The following SGK3 variants were observed in gnomAD, a reference collection of about 807,000 sequenced individuals.
SGK3 encodes the protein serum/glucocorticoid regulated kinase family member 3, also known as serine/threonine-protein kinase Sgk3.
SGK3 carries 47 observed loss-of-function variants against 68.5 expected under a neutral mutation model. That is an observed-to-expected ratio of 0.69 (90% CI 0.54 to 0.87). The LOEUF (loss-of-function observed/expected upper bound fraction) is 0.87. SGK3 is among the 40% of genes least tolerant of loss of function. SGK3 has a pLI of 0.00. For synonymous variants in SGK3, 181 were observed against 189.1 expected, an observed-to-expected ratio of 0.96 and a Z score of 0.35; for missense variants, 479 against 575.5, an observed-to-expected ratio of 0.83 and a Z score of 1.72.
chr8:66,785,919 G>A lies in SGK3; in HGVS notation c.-121-7697G>A, dbSNP rs540183065. On this transcript the variant is annotated intron_variant, in intron 1 of 16. Coordinates refer to ENST00000521198, the MANE Select transcript of SGK3 (RefSeq NM_001033578.3). Reference sequence around the variant, plus strand: ...AATTATCTTCTGACTGTCTAGCAGAGTGAAGGCAGATCCTTTTCCTGTTCC... The same window carrying A: ...AATTATCTTCTGACTGTCTAGCAGAATGAAGGCAGATCCTTTTCCTGTTCC... Among the ~76,000 whole-genome samples the A allele has an allele frequency of 5.9e-5, 9 of 152,344 alleles. No homozygotes were observed. The South Asian group carries it at 1.2e-3, about 21-fold the overall frequency.
At chr8:66,721,290 G>T (rs1804787175) in intron 1 of SGK3, among the ~76,000 whole-genome samples, 1 of 152,230 alleles carries the variant, frequency 6.6e-6, no homozygotes, top group Admixed American at 6.5e-5. Flanking sequence ...TATAGCAGGT[G>T]TGGGCTCCTG....
At chr8:66,778,992 A>G (rs907731379) in intron 1 of SGK3, among the ~76,000 whole-genome samples, 1 of 152,164 alleles carries the variant, frequency 6.6e-6, no homozygotes, top group African/African-American at 2.4e-5. Context: ...TTGTTTCTAT[A>G]CTGGATAGGA....
intron 4 of SGK3, among the ~76,000 whole-genome samples, chr8:66,811,173 A>G (rs1585751351): frequency 6.6e-6 from 1 of 152,056 alleles, no homozygotes; most frequent in Non-Finnish European, 1.5e-5. Context: ...ATGTCGCCAC[A>G]GCTAGCTAAT....
intron 1 of SGK3, chr8:66,737,227 C>T (rs1805346060): frequency 6.6e-6 from 1 of 151,830 alleles, no homozygotes; most frequent in African/African-American, 2.4e-5. Context: ...TCATTAAAGC[C>T]TAAGAAGCCG....
chr8:66,857,396 G>T (rs1318332361), intron 16 of SGK3, among the ~76,000 whole-genome samples: 1 of 152,020 alleles, frequency 6.6e-6, no homozygotes, highest in Non-Finnish European at 1.5e-5. Flanking sequence ...ACATTTTAAG[G>T]GTTCCCTTCC....
At chr8:66,851,952 TAG>T (rs1301691400) in intron 16 of SGK3, among the ~76,000 whole-genome samples, 20 of 152,192 alleles carry the variant, frequency 1.3e-4, no homozygotes, top group Non-Finnish European at 4.4e-5. Flanking sequence ...AATGAGGAAA[TAG>T]AAGCTCAGAG....
chr8:66,847,434 G>C, intron 15 of SGK3, 86 bp downstream of exon 15: 1 of 1,538,780 alleles, frequency 6.5e-7, no homozygotes, highest in Non-Finnish European at 8.8e-7. Flanking sequence ...GTATTTAATG[G>C]AATGAATACA....
At chr8:66,854,514 T>TG (rs1810422219) in intron 16 of SGK3, among the ~76,000 whole-genome samples, 1 of 152,226 alleles carries the variant, frequency 6.6e-6, no homozygotes, top group Non-Finnish European at 1.5e-5. Context: ...GAGGTGGGTC[T>TG]GGACCTGGGG....
intron 7 of SGK3, among the ~76,000 whole-genome samples, chr8:66,829,803 T>A (rs1283646069): frequency 6.6e-6 from 1 of 152,094 alleles, no homozygotes; most frequent in Admixed American, 6.6e-5. Flanking sequence ...AACTGGAAGT[T>A]TGGTTTTAAG....
intron 1 of SGK3, among the ~76,000 whole-genome samples, chr8:66,755,948 G>A (rs991488302): frequency 1.3e-5 from 2 of 152,130 alleles, no homozygotes; most frequent in East Asian, 3.9e-4. Flanking sequence ...GTTAGCCAAA[G>A]TGTGATAGCC....
chr8:66,759,133 T>C (rs921304392), intron 1 of SGK3, among the ~76,000 whole-genome samples: 3 of 149,958 alleles, frequency 2.0e-5, no homozygotes, highest in Non-Finnish European at 3.0e-5. Flanking sequence ...TCTCCCAGGC[T>C]GGAGTGCAGT....
chr8:66,794,005 T>A (rs1297191969), intron 2 of SGK3, among the ~76,000 whole-genome samples, 173 bp downstream of exon 2: 2 of 152,240 alleles, frequency 1.3e-5, no homozygotes, highest in Non-Finnish European at 2.9e-5. Context: ...CGTAATGGAA[T>A]AAATTTTCCT....
intron 1 of SGK3, among the ~76,000 whole-genome samples, chr8:66,792,747 C>T (rs1807519089): frequency 6.6e-6 from 1 of 152,126 alleles, no homozygotes; most frequent in Admixed American, 6.5e-5. Flanking sequence ...ATTGTTTGAG[C>T]CAGGTGTGAT....
In SGK3 at chr8:66,760,161, T is replaced by A. The variant is rs150087368; in HGVS notation, c.-121-33455T>A. 5.4e-3 allele frequency among the ~76,000 whole-genome samples: 821 copies of A among 152,228 alleles called. 2 individuals carry two copies. Among genetic ancestry groups the A allele is most frequent in the Non-Finnish European group, 9.1e-3 (616 of 68,020 alleles). ...ACATTTGTTAGTATCACTAAGTGAG[T>A]GCCTCAGAAAAATTTCTCAGTGGAG... On this transcript the variant is annotated intron_variant, in intron 1 of 16. Transcript: ENST00000521198.
At position 66,847,349 on chromosome 8, in the gene SGK3, G is replaced by C; in HGVS notation, c.1230+1G>C. The C allele has an allele frequency of 5.0e-6, 8 of 1,610,946 alleles. No individual in the cohort carries two copies. The highest frequency in any genetic ancestry group is 6.8e-6 in the Non-Finnish European group (8 of 1,179,142). Reference sequence around the variant, plus strand: ...TCGACTTGGTGCCAAGGAAGACTTTGTATGTAACAGCTTTTCTAGCTCCAG... The same window carrying C: ...TCGACTTGGTGCCAAGGAAGACTTTCTATGTAACAGCTTTTCTAGCTCCAG... On this transcript the variant is annotated splice_donor_variant, in intron 15 of 16. Coordinates refer to ENST00000521198, the MANE Select transcript of SGK3 (RefSeq NM_001033578.3). LOFTEE classifies it high-confidence loss of function.
intron 5 of SGK3, among the ~76,000 whole-genome samples, chr8:66,819,218 T>C (rs1216809027): frequency 2.0e-5 from 3 of 152,216 alleles, no homozygotes; most frequent in Non-Finnish European, 4.4e-5. Flanking sequence ...ATATAAAATG[T>C]AACATTTAAT....
intron 6 of SGK3, among the ~76,000 whole-genome samples, chr8:66,824,864 A>G (rs1309224194): frequency 6.6e-6 from 1 of 152,248 alleles, no homozygotes; most frequent in African/African-American, 2.4e-5. Flanking sequence ...ATATGCAAAT[A>G]CTATATGAAA....
At chr8:66,839,714 A>G (rs1355174538) in intron 10 of SGK3, 2 of 276,760 alleles carry the variant, frequency 7.2e-6, no homozygotes, top group Non-Finnish European at 1.3e-5. Flanking sequence ...TCTTTTCCAG[A>G]ACAGTTGCCT....
intron 1 of SGK3, among the ~76,000 whole-genome samples, chr8:66,790,043 A>C (rs1807373761): frequency 6.6e-6 from 1 of 152,144 alleles, no homozygotes; most frequent in Non-Finnish European, 1.5e-5. Context: ...GCGCCACTGC[A>C]CTGCAGCCTA....
Sources: allele counts gnomAD v4.1 joint callset (sites outside exome capture counted in the v4.1 genomes callset), GRCh38; gene constraint gnomAD v4.1.1; transcripts MANE v1.5; gene names NCBI Gene and HGNC (gene_info 2026-07-23, HGNC 2026-07-21).